TMEM132D: variants seen among roughly 807,000 people sequenced by gnomAD.
TMEM132D encodes transmembrane protein 132D, also known as mature OL transmembrane protein.
Under a neutral mutation model 62.3 loss-of-function variants are expected in TMEM132D, and 21 were observed. That is an observed-to-expected ratio of 0.34 (90% CI 0.24 to 0.49). The LOEUF (loss-of-function observed/expected upper bound fraction) is 0.49, where lower values mean the gene tolerates loss of function less well. Among genes scored for constraint, TMEM132D ranks in the 20% least tolerant of loss-of-function variants. The pLI, the probability that TMEM132D is intolerant of heterozygous loss-of-function variation, is 0.99. For synonymous variants in TMEM132D, 621 were observed against 575.6 expected (o/e 1.08, Z -1.13); for missense variants, 1,346 against 1,402.8 (o/e 0.96, Z 0.65).
At position 129,291,672 on chromosome 12, in the gene TMEM132D, G is replaced by A. The variant is rs542600969; in HGVS notation, c.1299+45962C>T. Among the ~76,000 whole-genome samples the A allele has an allele frequency of 3.3e-5, 5 of 152,294 alleles. No individual in the cohort carries two copies. The South Asian group carries it at 6.2e-4, about 19-fold the overall frequency. On this transcript the variant is annotated intron_variant, in intron 4 of 8. Transcript: ENST00000422113. The stretch of plus-strand genomic sequence containing the variant: ...ATTGATTTAGTTATTCTGACAGCAC[G>A]TGGTCAACAGGTTTCTCCTCAAGAT...
chr12:129,473,359 T>TG (rs1874159833), intron 3 of TMEM132D, among the ~76,000 whole-genome samples: 1 of 128,738 alleles, frequency 7.8e-6, no homozygotes, highest in Non-Finnish European at 1.6e-5. Context: ...GACCAAGTCT[T>TG]GCTCTTGTTG....
chr12:129,699,851 A>T lies in TMEM132D; in HGVS notation c.927T>A (p.Val309=), dbSNP rs768780983. 3.1e-6 allele frequency: 5 copies of T among 1,614,178 alleles called. No individual in the cohort carries two copies. The South Asian group carries it at 5.5e-5, about 18-fold the overall frequency. ...CTTCAGTGGAATTTCTGGAGATGGAAACAGGAAAAGTCAGCACGTCTCCTT... is the reference window on the plus strand; with the variant it reads ...CTTCAGTGGAATTTCTGGAGATGGATACAGGAAAAGTCAGCACGTCTCCTT... ...VRKGDVLTFP[V]SISRNSTEDR... The change falls in exon 2 of 9, where the codon GTT becomes GTA. Residue 309 remains valine, a synonymous_variant. Coordinates refer to ENST00000422113, the MANE Select transcript of TMEM132D (RefSeq NM_133448.3).
At chr12:129,692,860 G>T (rs972020839) in intron 2 of TMEM132D, among the ~76,000 whole-genome samples, 2 of 151,956 alleles carry the variant, frequency 1.3e-5, no homozygotes, top group Admixed American at 1.3e-4. Flanking sequence ...GAGGGCAGTG[G>T]GGGGAGAGCA....
chr12:129,553,079 G>A (rs915279213), intron 2 of TMEM132D, among the ~76,000 whole-genome samples: 20 of 152,224 alleles, frequency 1.3e-4, no homozygotes, highest in South Asian at 1.0e-3. Context: ...GAGCAGCTTC[G>A]GTTACTCAAC....
In TMEM132D at chr12:129,353,059, T is replaced by C. The variant is rs138613535; in HGVS notation, c.1116-15242A>G. On this transcript the variant is annotated intron_variant, in intron 3 of 8. Transcript: ENST00000422113. ...GGTCTGGATTGGGACCTCTTTCCTG[T>C]AACTCCAGGAATCAGTTTCTGTCCT... Among the ~76,000 whole-genome samples, 244 of 152,286 alleles carry C rather than the reference T, an allele frequency of 1.6e-3. 1 individual carries two copies. The highest frequency in any genetic ancestry group is 5.5e-3 in the African/African-American group (230 of 41,564).
At chr12:129,695,769 G>A (rs1357346626) in intron 2 of TMEM132D, among the ~76,000 whole-genome samples, 1 of 152,228 alleles carries the variant, frequency 6.6e-6, no homozygotes, top group African/African-American at 2.4e-5. Flanking sequence ...CTTATGTGCG[G>A]ATAACGAGAG....
At chr12:129,775,772 C>T (rs1870901515) in intron 1 of TMEM132D, among the ~76,000 whole-genome samples, 1 of 152,218 alleles carries the variant, frequency 6.6e-6, no homozygotes, top group Non-Finnish European at 1.5e-5. Flanking sequence ...CAGATCAGCA[C>T]CTACAGGCAT....
chr12:129,841,827 A>C (rs1314586115), intron 1 of TMEM132D, among the ~76,000 whole-genome samples: 2 of 152,002 alleles, frequency 1.3e-5, no homozygotes, highest in Admixed American at 1.3e-4. Context: ...CCTTTTAATA[A>C]AAATAAAATT....
intron 4 of TMEM132D, among the ~76,000 whole-genome samples, chr12:129,235,399 GGT>G (rs1491208430): frequency 5.4e-5 from 6 of 111,612 alleles, no homozygotes; most frequent in Admixed American, 4.6e-4. Context: ...GCCCCTAATG[GGT>G]TTTTTTTTTT....
chr12:129,423,853 C>A (rs1323253918), intron 3 of TMEM132D, among the ~76,000 whole-genome samples: 8 of 152,096 alleles, frequency 5.3e-5, no homozygotes, highest in Admixed American at 2.0e-4. Context: ...CCAATCAGAG[C>A]AATTTAGAGC....
At chr12:129,819,116 A>G (rs1308421468) in intron 1 of TMEM132D, among the ~76,000 whole-genome samples, 1 of 152,008 alleles carries the variant, frequency 6.6e-6, no homozygotes, top group African/African-American at 2.4e-5. Flanking sequence ...GTCTTGCGGG[A>G]GACAGCCTAG....
In TMEM132D at chr12:129,314,970, C is replaced by G. The variant is rs61247514; in HGVS notation, c.1299+22664G>C. Among the ~76,000 whole-genome samples the G allele has an allele frequency of 9.6e-3, 1,455 of 152,184 alleles. 31 individuals are homozygous for G. The highest frequency in any genetic ancestry group is 0.033 in the African/African-American group (1,370 of 41,524). The stretch of plus-strand genomic sequence containing the variant: ...TGGTTGCTGTTGGTGTATAGAAGAG[C>G]TTCTGATGTGTGTACATTAATCTTG... On this transcript the variant is annotated intron_variant, in intron 4 of 8. Transcript: ENST00000422113.
At chr12:129,364,348 C>T (rs570440901) in intron 3 of TMEM132D, among the ~76,000 whole-genome samples, 14 of 152,266 alleles carry the variant, frequency 9.2e-5, no homozygotes, top group African/African-American at 3.1e-4. Flanking sequence ...GTATCATTCA[C>T]GTAGTTCATG....
At chr12:129,301,954 C>T (rs1881725620) in intron 4 of TMEM132D, among the ~76,000 whole-genome samples, 1 of 151,870 alleles carries the variant, frequency 6.6e-6, no homozygotes, top group African/African-American at 2.4e-5. Flanking sequence ...ACTATAATAG[C>T]ACCAATAGAT....
chr12:129,755,833 C>CCAT (rs543200812), intron 1 of TMEM132D, among the ~76,000 whole-genome samples: 63 of 152,288 alleles, frequency 4.1e-4, no homozygotes, highest in African/African-American at 1.4e-3. Context: ...CACCAATGCC[C>CCAT]CATCTATCGT....
chr12:129,589,144 C>T (rs11611136), intron 2 of TMEM132D, among the ~76,000 whole-genome samples: 44,079 of 151,934 alleles, frequency 0.29, 7,988 homozygotes, highest in Non-Finnish European at 0.4. Context: ...TCCCATAATT[C>T]CCACATGTTG....
intron 5 of TMEM132D, among the ~76,000 whole-genome samples, chr12:129,150,116 G>C (rs977225527): frequency 3.3e-5 from 5 of 152,240 alleles, no homozygotes; most frequent in African/African-American, 1.2e-4. Context: ...ACAGGCCAGG[G>C]GCAAGCCCAC....
chr12:129,410,339 GA>G (rs1871930730), intron 3 of TMEM132D, among the ~76,000 whole-genome samples: 1 of 137,038 alleles, frequency 7.3e-6, no homozygotes, highest in South Asian at 2.6e-4. Flanking sequence ...AATTTAAAAA[GA>G]AAAAAAGGTT....
At chr12:129,805,096 C>A (rs368863042) in intron 1 of TMEM132D, among the ~76,000 whole-genome samples, 16 of 149,298 alleles carry the variant, frequency 1.1e-4, no homozygotes, top group South Asian at 4.3e-4. Flanking sequence ...GAATCAATAT[C>A]GTGAAAATGG....
Sources: allele counts gnomAD v4.1 joint callset (sites outside exome capture counted in the v4.1 genomes callset), GRCh38; gene constraint gnomAD v4.1.1; transcripts MANE v1.5; gene names NCBI Gene and HGNC (gene_info 2026-07-23, HGNC 2026-07-21).